The following MYH9 variants were observed in gnomAD, a reference collection of about 807,000 sequenced individuals.
MYH9 encodes myosin-9.
In MYH9, 29 loss-of-function variants were observed where a neutral mutation model predicts 241.9. The observed-to-expected ratio is 0.12, with a 90% CI of 0.09 to 0.16. The LOEUF (loss-of-function observed/expected upper bound fraction) is 0.16, where lower values mean the gene tolerates loss of function less well. Ranked by LOEUF, MYH9 falls within the 10% of genes least tolerant of loss-of-function variation. The pLI, the probability that MYH9 is intolerant of heterozygous loss-of-function variation, is 1.00. For synonymous variants in MYH9, 1,047 were observed against 1,062.6 expected (o/e 0.99, Z 0.29); for missense variants, 1,803 against 2,595.5 (o/e 0.69, Z 6.63).
rs1292476287 is a variant in MYH9, at chr22:36,282,342, G to A, written c.*326C>T. The A allele has an allele frequency of 3.9e-6, 2 of 515,134 alleles. No homozygotes were observed. The highest frequency in any genetic ancestry group is 3.3e-5 in the East Asian group (1 of 30,474). The allele number at this position is 515,134 out of a possible 1,614,324, so 31.9% of individuals were successfully genotyped here. A position where few individuals can be genotyped will look rare whatever the true frequency, so the allele number is the denominator to read the frequency against. On this transcript the variant is annotated 3_prime_UTR_variant, in exon 41 of 41. Coordinates refer to ENST00000216181, the MANE Select transcript of MYH9 (RefSeq NM_002473.6). The stretch of plus-strand genomic sequence containing the variant: ...TAGAAAACTCTGGCCCCTCCCCGGG[G>A]GCCTGCCCTGCTCGCCTCAACATCT...
intron 31 of MYH9, among the ~76,000 whole-genome samples, chr22:36,290,205 T>A (rs1383059658): frequency 2.6e-5 from 4 of 151,742 alleles, no homozygotes; most frequent in Admixed American, 6.6e-5. Flanking sequence ...ATGAAAAACA[T>A]CTAAAAATTA....
intron 1 of MYH9, among the ~76,000 whole-genome samples, chr22:36,381,201 T>G (rs1169477407): frequency 6.6e-6 from 1 of 152,084 alleles, no homozygotes; most frequent in Non-Finnish European, 1.5e-5. Flanking sequence ...AAATAAGAAA[T>G]AGCTGAATTT....
rs1471313640 is a variant in MYH9, at chr22:36,304,985, G to A, written c.2229+48C>T. On this transcript the variant is annotated intron_variant, in intron 18 of 40. Coordinates refer to ENST00000216181, the MANE Select transcript of MYH9 (RefSeq NM_002473.6). Reference sequence around the variant, plus strand: ...GCCCTGGCCACGTGGGCACTCCCCAGACAAGGGGCTGCCCATCCAGAGAGG... The same window carrying A: ...GCCCTGGCCACGTGGGCACTCCCCAAACAAGGGGCTGCCCATCCAGAGAGG... 2.5e-6 allele frequency: 4 copies of A among 1,588,998 alleles called. No individual in the cohort carries two copies. The South Asian group carries it at 3.3e-5, about 13-fold the overall frequency.
In MYH9 at chr22:36,293,646, G is replaced by A; in HGVS notation, c.3942+113C>T. On this transcript the variant is annotated intron_variant, in intron 29 of 40. Transcript: ENST00000216181. This position sits in a 1 kb window ranked among gnomAD's most constrained non-coding sequence, Gnocchi z 5.1. ...GGACGCAGAGACCCACCCACAGGAT[G>A]AAGCAGATGAAGGAGAGGATGGGCA... The A allele has an allele frequency of 1.5e-6, 2 of 1,313,494 alleles. No individual in the cohort carries two copies. The highest frequency in any genetic ancestry group is 1.2e-5 in the South Asian group (1 of 83,124). The allele number at this position is 1,313,494 out of a possible 1,614,324, so 81.4% of individuals were successfully genotyped here.
chr22:36,324,626 C>T (rs1390911263), intron 5 of MYH9, among the ~76,000 whole-genome samples: 1 of 152,268 alleles, frequency 6.6e-6, no homozygotes, highest in Admixed American at 6.5e-5. Context: ...TGAGAGAGCG[C>T]TGGCTCCCAA....
chr22:36,298,813 C>T (rs1020268519), intron 24 of MYH9, 106 bp downstream of exon 24: 386 of 1,526,866 alleles, frequency 2.5e-4, no homozygotes, highest in Non-Finnish European at 3.3e-4. Flanking sequence ...CAGGCTCACC[C>T]GTGAGCTGAG....
chr22:36,289,492 G>A (rs1200045529), intron 31 of MYH9, among the ~76,000 whole-genome samples, 195 bp from the exon 32 acceptor site: 2 of 152,242 alleles, frequency 1.3e-5, no homozygotes, highest in Admixed American at 6.5e-5. Flanking sequence ...GATGACTGCC[G>A]ACTGGAGCAG....
chr22:36,341,288 A>G, intron 3 of MYH9, 82 bp downstream of exon 3: 1 of 1,566,558 alleles, frequency 6.4e-7, no homozygotes, highest in Non-Finnish European at 8.8e-7. Flanking sequence ...GTGGCACCAA[A>G]TGTGACTTAG....
intron 2 of MYH9, 59 bp downstream of exon 2, chr22:36,348,845 C>CGTT (rs2017720889): frequency 1.9e-6 from 2 of 1,070,514 alleles, no homozygotes; most frequent in Admixed American, 2.0e-5. Flanking sequence ...AGACCCGCCC[C>CGTT]CCCCCCCCAC....
At chr22:36,370,645 T>C (rs776293620) in intron 1 of MYH9, among the ~76,000 whole-genome samples, 1 of 152,102 alleles carries the variant, frequency 6.6e-6, no homozygotes, top group Non-Finnish European at 1.5e-5. Flanking sequence ...CTTACCGGTG[T>C]CAAAAGTGCT....
In MYH9 at chr22:36,300,894, T is replaced by C. The variant is rs1318665432; in HGVS notation, c.2795A>G (p.Gln932Arg). 6.2e-7 allele frequency: 1 copy of C among 1,605,798 alleles called. No homozygotes were observed. Among genetic ancestry groups the C allele is most frequent in the Non-Finnish European group, 8.5e-7 (1 of 1,179,978 alleles). ...CTTCTTCTTCTCCGCCTGCAGGTGC[T>C]GGCAGCGCTCCTCCTCCTCCTCCAC... ...ARVEEEEERC[Q>R]HLQAEKKKMQ... Residue 932 changes from glutamine to arginine, a missense_variant, in exon 22 of 41, where the codon CAG (glutamine) becomes CGG (arginine). Physicochemically the swap from Gln to Arg is conservative, Grantham distance 43 (BLOSUM62 1). Around this residue, in one of 11 missense-constraint regions of MYH9, gnomAD observed 290 missense variants for 360.5 expected, o/e 0.80. Coordinates refer to ENST00000216181, the MANE Select transcript of MYH9 (RefSeq NM_002473.6). The surrounding 1 kb of genome is among the most constrained non-coding windows in gnomAD (Gnocchi z 5.0).
In MYH9 at chr22:36,285,833, C is replaced by T; in HGVS notation, c.5150+32G>A. On this transcript the variant is annotated intron_variant, in intron 36 of 40. Coordinates refer to ENST00000216181, the MANE Select transcript of MYH9 (RefSeq NM_002473.6). This position sits in a 1 kb window ranked among gnomAD's most constrained non-coding sequence, Gnocchi z 7.0. ...GGCCTACCCTGGGGACACACCTGGTCCCCCCCAACTCTGCCCCCTCACTCA... is the reference window on the plus strand; with the variant it reads ...GGCCTACCCTGGGGACACACCTGGTTCCCCCCAACTCTGCCCCCTCACTCA... The T allele has an allele frequency of 1.2e-6, 2 of 1,613,052 alleles. No individual in the cohort carries two copies. Among genetic ancestry groups the T allele is most frequent in the Non-Finnish European group, 1.7e-6 (2 of 1,179,694 alleles).
At chr22:36,283,739 C>A (rs2016531954) in intron 40 of MYH9, among the ~76,000 whole-genome samples, 1 of 152,174 alleles carries the variant, frequency 6.6e-6, no homozygotes, top group Admixed American at 6.5e-5. Flanking sequence ...CTGAGAAACG[C>A]AAAGGAGCGT....
intron 5 of MYH9, among the ~76,000 whole-genome samples, chr22:36,325,675 G>A (rs544937509): frequency 2.6e-5 from 4 of 152,354 alleles, no homozygotes; most frequent in African/African-American, 9.6e-5. Flanking sequence ...CCGTGAGAGC[G>A]GAGTCCCCAT....
At chr22:36,327,344 G>A in intron 4 of MYH9, 117 bp downstream of exon 4, 1 of 1,176,190 alleles carries the variant, frequency 8.5e-7, no homozygotes, top group Non-Finnish European at 1.3e-6. Flanking sequence ...TGGAGGAGGG[G>A]CCTTGAATTG....
At chr22:36,370,780 T>C (rs1476397473) in intron 1 of MYH9, among the ~76,000 whole-genome samples, 1 of 151,668 alleles carries the variant, frequency 6.6e-6, no homozygotes, top group Non-Finnish European at 1.5e-5. Flanking sequence ...TCAAGTGTTT[T>C]GATCAGAAGT....
At chr22:36,345,109 G>A (rs1172517178) in intron 2 of MYH9, among the ~76,000 whole-genome samples, 1 of 151,862 alleles carries the variant, frequency 6.6e-6, no homozygotes, top group Non-Finnish European at 1.5e-5. Context: ...TCAGGAGATC[G>A]AGGCCATCCT....
At position 36,286,728 on chromosome 22, in the gene MYH9, T is replaced by C. The variant is rs1476506044; in HGVS notation, c.5051A>G (p.Gln1684Arg). Residue 1684 changes from glutamine (Q) to arginine (R), a missense_variant, in exon 35 of 41, where the codon CAG (glutamine) becomes CGG (arginine). Gln to Arg is a conservative substitution (Grantham distance 43). This residue lies in a region of MYH9 where 876 missense variants were observed against 1,077.8 expected (regional missense o/e 0.81). Coordinates refer to ENST00000216181, the MANE Select transcript of MYH9 (RefSeq NM_002473.6). ...TGCAGCCCCACCCACCTCCTGCAAC[T>C]GGATCATCTCGGCCTCCATGCTCTT... The part of the protein sequence containing the change: ...KLKSMEAEMI[Q>R]LQEELAAAER... The C allele has an allele frequency of 1.9e-6, 3 of 1,612,684 alleles. No individual in the cohort carries two copies. The highest frequency in any genetic ancestry group is 1.7e-6 in the Non-Finnish European group (2 of 1,180,040).
chr22:36,318,115 C>A, intron 11 of MYH9, 92 bp downstream of exon 11: 2 of 1,097,160 alleles, frequency 1.8e-6, no homozygotes, highest in Non-Finnish European at 1.4e-6. Context: ...CTGACACGGA[C>A]ACCCCAGGAT....
Sources: gnomAD v4.1 joint callset for allele counts (sites outside exome capture counted in the v4.1 genomes callset) on GRCh38, gnomAD v4.1.1 for gene constraint, gnomAD v4.1.1 regional missense constraint, Gnocchi (gnomAD v3.1) non-coding constraint, MANE v1.5 for transcripts, NCBI Gene and HGNC (gene_info 2026-07-23, HGNC 2026-07-21) for gene names.